The following CPVL variants were observed in gnomAD, a reference collection of about 807,000 sequenced individuals.
CPVL encodes the protein carboxypeptidase vitellogenic like.
Under a neutral mutation model 63.7 loss-of-function variants are expected in CPVL, and 51 were observed. That is an observed-to-expected ratio of 0.80 (90% confidence interval 0.64 to 1.01). CPVL has a LOEUF of 1.01. Among genes scored for constraint, CPVL ranks in the 50% least tolerant of loss-of-function variants. The pLI, the probability that CPVL is intolerant of heterozygous loss-of-function variation, is 0.00. For missense variants in CPVL, 530 were observed against 573.1 expected, an observed-to-expected ratio of 0.92 and a Z score of 0.77; for synonymous variants, 195 against 206.0, an observed-to-expected ratio of 0.95 and a Z score of 0.46.
At chr7:29,126,648 T>G (rs1209692222) in intron 1 of CPVL, 1 of 152,170 alleles carries the variant, frequency 6.6e-6, no homozygotes, top group Non-Finnish European at 1.5e-5. Context: ...AGCCTTATAT[T>G]CTCCCCTTCA....
chr7:29,164,237 T>A (rs532403081), intron 5 of CPVL, among the ~76,000 whole-genome samples: 1 of 152,344 alleles, frequency 6.6e-6, no homozygotes, highest in African/African-American at 2.4e-5. Context: ...ATTTTCCTAA[T>A]GACTAATGAT....
In CPVL at chr7:29,112,767, G is replaced by T. The variant is rs764225561; in HGVS notation, c.225C>A (p.Ala75=). The stretch of plus-strand genomic sequence containing the variant: ...AAGTCTTATTCACGGTGAGGAAGCC[G>T]GCATAACTCTTCATGTTCAGTCCTG... ...PFPGLNMKSY[A]GFLTVNKTYN... is the part of the protein sequence containing the mutation. The change falls in exon 3 of 13, where the codon GCC becomes GCA. Residue 75 remains alanine, a synonymous_variant. Coordinates refer to ENST00000265394, the MANE Select transcript of CPVL (RefSeq NM_031311.5). 6.2e-7 allele frequency: 1 copy of T among 1,613,600 alleles called. No homozygotes were observed. The highest frequency in any genetic ancestry group is 1.1e-5 in the South Asian group (1 of 91,020).
At chr7:29,050,877 C>T (rs909406306) in intron 11 of CPVL, among the ~76,000 whole-genome samples, 1 of 151,008 alleles carries the variant, frequency 6.6e-6, no homozygotes, top group Non-Finnish European at 1.5e-5. Flanking sequence ...GTCACCAAAA[C>T]AGCGTGGTAC....
At chr7:29,175,762 C>CA (rs1202646539) in intron 5 of CPVL, among the ~76,000 whole-genome samples, 9 of 151,746 alleles carry the variant, frequency 5.9e-5, no homozygotes, top group East Asian at 5.8e-4. Flanking sequence ...AAAAACAAAA[C>CA]AAAAAAACAG....
At chr7:29,128,814 CTGGGT>C (rs1790369050) in intron 1 of CPVL, among the ~76,000 whole-genome samples, 1 of 152,034 alleles carries the variant, frequency 6.6e-6, no homozygotes, top group East Asian at 1.9e-4. Flanking sequence ...AAACACATCT[CTGGGT>C]AGATGATCTG....
intron 1 of CPVL, chr7:29,194,593 A>C (rs1584683792): frequency 4.3e-6 from 1 of 232,046 alleles, no homozygotes; most frequent in African/African-American, 2.3e-5. Flanking sequence ...CCCTGGTCCC[A>C]GCCGCGCACA....
Position 29,050,925 on chromosome 7 carries a change from T to G in CPVL, c.1137+13136A>C, listed in dbSNP as rs572099201. Among the ~76,000 whole-genome samples, 3 of 152,128 alleles carry G rather than the reference T, an allele frequency of 2.0e-5. No individual in the cohort carries two copies. The South Asian group carries it at 6.2e-4, about 32-fold the overall frequency. ...AGGCACATAGACTGATGGAACAGAA[T>G]AGAGAACCCAGAAACAAATCCAAAT... is the stretch of plus-strand genomic sequence containing the variant. On this transcript the variant is annotated intron_variant, in intron 11 of 12. Transcript: ENST00000265394.
chr7:29,191,098 A>G (rs1782834005), intron 1 of CPVL, among the ~76,000 whole-genome samples: 1 of 152,024 alleles, frequency 6.6e-6, no homozygotes, highest in Admixed American at 6.6e-5. Flanking sequence ...ACGCCTGGCT[A>G]ATTTATTTTT....
chr7:29,064,329 T>C (rs1782941780), intron 10 of CPVL, 95 bp from the exon 11 acceptor site: 1 of 552,084 alleles, frequency 1.8e-6, no homozygotes, highest in Non-Finnish European at 2.8e-6. Flanking sequence ...ACATACAACA[T>C]GGAGAAACGT....
chr7:29,047,803 T>A (rs978347065), intron 11 of CPVL, among the ~76,000 whole-genome samples: 1 of 152,154 alleles, frequency 6.6e-6, no homozygotes, highest in African/African-American at 2.4e-5. Context: ...AAGTACCAGG[T>A]AACCTATAAA....
intron 5 of CPVL, among the ~76,000 whole-genome samples, chr7:29,174,132 A>AC (rs71527544): frequency 5.7e-4 from 86 of 150,436 alleles, no homozygotes; most frequent in East Asian, 5.3e-3. Context: ...GGCTGGAGAG[A>AC]CCCCCCCGTT....
At chr7:29,069,827 T>TGCGCGC (rs1167915801) in intron 9 of CPVL, among the ~76,000 whole-genome samples, 1 of 135,396 alleles carries the variant, frequency 7.4e-6, no homozygotes, top group African/African-American at 2.7e-5. Flanking sequence ...TGTGTGTGTG[T>TGCGCGC]GCATGTAAAT....
chr7:29,182,789 G>A (rs1042103025), intron 4 of CPVL, among the ~76,000 whole-genome samples: 1 of 152,150 alleles, frequency 6.6e-6, no homozygotes, highest in Non-Finnish European at 1.5e-5. Flanking sequence ...AGGCTTATAG[G>A]AAATTAAATT....
chr7:29,055,012 C>G (rs1007204060), intron 11 of CPVL, among the ~76,000 whole-genome samples: 3 of 152,142 alleles, frequency 2.0e-5, no homozygotes, highest in Non-Finnish European at 4.4e-5. Flanking sequence ...TGTTTTGTAA[C>G]TCCATTTTTA....
At chr7:29,069,798 GTGTGTGTGTGT>G (rs1783553132) in intron 9 of CPVL, among the ~76,000 whole-genome samples, 1 of 122,930 alleles carries the variant, frequency 8.1e-6, no homozygotes, top group African/African-American at 2.6e-5. Context: ...GTGTGTGTGT[GTGTGTGTGTGT>G]GTGTGTGTGT....
intron 7 of CPVL, among the ~76,000 whole-genome samples, chr7:29,076,702 CAAG>C (rs1315339131): frequency 6.6e-6 from 1 of 152,172 alleles, no homozygotes; most frequent in Admixed American, 6.5e-5. Flanking sequence ...TCACCTCCAA[CAAG>C]AAGGACCAGA....
At chr7:29,084,546 CA>C (rs1161750895) in intron 7 of CPVL, among the ~76,000 whole-genome samples, 2 of 152,166 alleles carry the variant, frequency 1.3e-5, no homozygotes, top group Non-Finnish European at 2.9e-5. Flanking sequence ...GAATGTAGGG[CA>C]TGGATTTTTT....
At chr7:29,050,814 A>AAC (rs1790078723) in intron 11 of CPVL, among the ~76,000 whole-genome samples, 1 of 150,552 alleles carries the variant, frequency 6.6e-6, no homozygotes. Flanking sequence ...AAAAAAAAAA[A>AAC]CAAATCTGGA....
At chr7:29,024,629 C>T (rs1314884373) in intron 12 of CPVL, among the ~76,000 whole-genome samples, 1 of 151,964 alleles carries the variant, frequency 6.6e-6, no homozygotes, top group African/African-American at 2.4e-5. Context: ...TAAGGGAATC[C>T]CCATCAGACT....
Sources: allele counts gnomAD v4.1 joint callset (sites outside exome capture counted in the v4.1 genomes callset), GRCh38; gene constraint gnomAD v4.1.1; transcripts MANE v1.5; gene names NCBI Gene and HGNC (gene_info 2026-07-23, HGNC 2026-07-21).